Variants in UBA5 observed in about 807,000 individuals in gnomAD.
UBA5 encodes ubiquitin-like modifier-activating enzyme 5.
UBA5 carries 28 observed loss-of-function variants against 52.9 expected under a neutral mutation model. The ratio of observed to expected loss-of-function variants is 0.53; its 90% CI spans 0.39 to 0.73. The LOEUF (loss-of-function observed/expected upper bound fraction) is 0.73, where lower values mean the gene tolerates loss of function less well. Among genes scored for constraint, UBA5 ranks in the 30% least tolerant of loss-of-function variants. UBA5 has a pLI of 0.00. For missense variants in UBA5, 388 were observed against 492.7 expected (o/e 0.79, Z 2.01); for synonymous variants, 135 against 162.1 (o/e 0.83, Z 1.27).
intron 3 of UBA5, chr3:132,668,058 T>G (rs1345756287): frequency 6.6e-6 from 1 of 152,052 alleles, no homozygotes; most frequent in Non-Finnish European, 1.5e-5. Context: ...GTGCTGAGAA[T>G]TGTATTAAAG....
chr3:132,670,567 T>C (rs1938556928), intron 5 of UBA5: 1 of 235,900 alleles, frequency 4.2e-6, no homozygotes, highest in Middle Eastern at 1.4e-3. Context: ...AGATTATATT[T>C]CTGTCTGAAA....
rs1245326660 is a variant in UBA5 at position 132,679,677 on chromosome 3, C to T, written c.*3151C>T. Among the ~76,000 whole-genome samples, 1 of 152,096 alleles carries T rather than the reference C, an allele frequency of 6.6e-6. No homozygotes were observed. Among genetic ancestry groups the T allele is most frequent in the Non-Finnish European group, 1.5e-5 (1 of 67,992 alleles). ...CAGGGTTCTTCTAGAGTACTGGTCT[C>T]ATTATTTTCTAAAGCAGTTTTTCTA... On this transcript the variant is annotated 3_prime_UTR_variant, in exon 12 of 12. Coordinates refer to ENST00000356232, the MANE Select transcript of UBA5 (RefSeq NM_024818.6).
intron 1 of UBA5, among the ~76,000 whole-genome samples, chr3:132,662,531 T>C (rs1305783928): frequency 2.0e-5 from 3 of 152,190 alleles, no homozygotes; most frequent in Non-Finnish European, 4.4e-5. Context: ...TACAGGTTAT[T>C]GAATTATGAT....
At chr3:132,670,483 A>G (rs1182005594) in intron 5 of UBA5, among the ~76,000 whole-genome samples, 199 bp downstream of exon 5, 6 of 152,174 alleles carry the variant, frequency 3.9e-5, no homozygotes, top group African/African-American at 1.4e-4. Flanking sequence ...AATTAAAAAT[A>G]AAAAGCAAAC....
rs942550747 is a variant in UBA5 at position 132,676,581 on chromosome 3, T to TA, written c.*64dup. The TA allele has an allele frequency of 1.1e-4, 147 of 1,347,196 alleles. No individual in the cohort carries two copies. Among genetic ancestry groups the TA allele is most frequent in the South Asian group, 1.4e-4 (11 of 77,794 alleles). The allele number at this position is 1,347,196 out of a possible 1,614,324, so 83.5% of individuals were successfully genotyped here. A position where few individuals can be genotyped will look rare whatever the true frequency, so the allele number is the denominator to read the frequency against. On this transcript the variant is annotated 3_prime_UTR_variant, in exon 12 of 12. Transcript: ENST00000356232. This position sits in a 1 kb window ranked among gnomAD's most constrained non-coding sequence, Gnocchi z 4.1. Reference sequence around the variant, plus strand: ...ATGTTAAAGCCTCTTCCCTTGAAATTAAAAAAAAATTTTAACTGATAAAAC... The same window carrying TA: ...ATGTTAAAGCCTCTTCCCTTGAAATTAAAAAAAAAATTTTAACTGATAAAAC...
At chr3:132,658,657 T>C (rs1937947758), upstream of UBA5, among the ~76,000 whole-genome samples, 1 of 152,210 alleles carries the variant, frequency 6.6e-6, no homozygotes, top group Admixed American at 6.5e-5. Context: ...TCTTCCAATA[T>C]CTATTGGGAC....
chr3:132,659,846 C>T (rs1576635207), upstream of UBA5: 1 of 1,439,620 alleles, frequency 6.9e-7, no homozygotes, highest in East Asian at 2.6e-5. Flanking sequence ...GAGCATGGGC[C>T]GAGGCCGGGG....
chr3:132,676,330 A>C lies in UBA5; in HGVS notation c.1132-113A>C. On this transcript the variant is annotated intron_variant, in intron 11 of 11. Coordinates refer to ENST00000356232, the MANE Select transcript of UBA5 (RefSeq NM_024818.6). The surrounding 1 kb of genome is among the most constrained non-coding windows in gnomAD (Gnocchi z 4.1). ...AAATTAGAAGATAGTTGTTAAAGAA[A>C]ATTTACTTTATAACCTTGTTGAGCA... The C allele has an allele frequency of 1.3e-6, 1 of 780,220 alleles. No homozygotes were observed. Among genetic ancestry groups the C allele is most frequent in the Non-Finnish European group, 2.1e-6 (1 of 487,134 alleles). 48.3% of individuals were successfully genotyped at this position (780,220 alleles called of 1,614,324 possible).
chr3:132,674,536 A>T (rs1400567946), intron 8 of UBA5, among the ~76,000 whole-genome samples: 1 of 152,152 alleles, frequency 6.6e-6, no homozygotes, highest in Non-Finnish European at 1.5e-5. Context: ...AAAAAAAAAT[A>T]CAAAAATTAG....
intron 1 of UBA5, among the ~76,000 whole-genome samples, chr3:132,663,634 A>G (rs1938259341): frequency 1.3e-5 from 2 of 152,176 alleles, no homozygotes; most frequent in Non-Finnish European, 2.9e-5. Context: ...GGGTTTCTCA[A>G]CTAAATAGTC....
chr3:132,660,284 G>A, upstream of UBA5: 1 of 581,114 alleles, frequency 1.7e-6, no homozygotes, highest in Non-Finnish European at 3.0e-6. This position sits in a 1 kb window ranked among gnomAD's most constrained non-coding sequence, Gnocchi z 4.1. Context: ...GAGGAAGGAA[G>A]CCGAAAGAGC....
intron 8 of UBA5, among the ~76,000 whole-genome samples, chr3:132,672,436 A>G (rs1938645492): frequency 6.6e-6 from 1 of 152,116 alleles, no homozygotes; most frequent in South Asian, 2.1e-4. Flanking sequence ...AATATATGTG[A>G]ATGTCAGTTA....
chr3:132,660,092 T>G (rs1018733010), upstream of UBA5: 7 of 338,612 alleles, frequency 2.1e-5, no homozygotes, highest in Admixed American at 4.4e-5. This position sits in a 1 kb window ranked among gnomAD's most constrained non-coding sequence, Gnocchi z 4.1. Context: ...CCAAATTTAA[T>G]GCAACAGCAG....
At chr3:132,654,743 G>T (rs1937690655) in intron 1 of UBA5, 1 of 152,216 alleles carries the variant, frequency 6.6e-6, no homozygotes, top group African/African-American at 2.4e-5. Flanking sequence ...AATACTTGCT[G>T]TGTTTCCCTT....
Position 132,676,655 on chromosome 3 carries a change from T to C in UBA5, c.*129T>C. ...TATTCTTACCTGAATTGTTATACTT[T>C]TTGAAAATCCTGTGACTTGCCTGTT... is the stretch of plus-strand genomic sequence containing the variant. On this transcript the variant is annotated 3_prime_UTR_variant, in exon 12 of 12. Coordinates refer to ENST00000356232, the MANE Select transcript of UBA5 (RefSeq NM_024818.6). This position sits in a 1 kb window ranked among gnomAD's most constrained non-coding sequence, Gnocchi z 4.1. 1 of 683,776 alleles carries C rather than the reference T, an allele frequency of 1.5e-6. No homozygotes were observed. The highest frequency in any genetic ancestry group is 2.7e-5 in the Admixed American group (1 of 36,494). The allele number at this position is 683,776 out of a possible 1,614,324, so 42.4% of individuals were successfully genotyped here. A position where few individuals can be genotyped will look rare whatever the true frequency, so the allele number is the denominator to read the frequency against.
Position 132,676,001 on chromosome 3 carries a change from A to G in UBA5, c.1131+78A>G. The G allele has an allele frequency of 5.1e-6, 5 of 974,292 alleles. No individual in the cohort carries two copies. The highest frequency in any genetic ancestry group is 7.6e-6 in the Non-Finnish European group (5 of 657,280). 60.4% of individuals were successfully genotyped at this position (974,292 alleles called of 1,614,324 possible). A position where few individuals can be genotyped will look rare whatever the true frequency, so the allele number is the denominator to read the frequency against. ...CATCTTCATTCTAATTTGTAATGCC[A>G]ATGAAGTATTTCCTGTTTTAGATAT... On this transcript the variant is annotated intron_variant, in intron 11 of 11. Coordinates refer to ENST00000356232, the MANE Select transcript of UBA5 (RefSeq NM_024818.6). This position sits in a 1 kb window ranked among gnomAD's most constrained non-coding sequence, Gnocchi z 4.1.
chr3:132,670,659 C>T (rs937142666), intron 5 of UBA5: 3 of 230,974 alleles, frequency 1.3e-5, no homozygotes, highest in African/African-American at 6.9e-5. Context: ...TGTAATGAAG[C>T]ATGAATAAAA....
upstream of UBA5, among the ~76,000 whole-genome samples, chr3:132,657,555 A>G (rs1937873904): frequency 6.6e-6 from 1 of 152,250 alleles, no homozygotes; most frequent in South Asian, 2.1e-4. Flanking sequence ...CCTATTCAAC[A>G]ACATGGCATC....
At chr3:132,661,323 C>T (rs1938152027) in intron 1 of UBA5, among the ~76,000 whole-genome samples, 2 of 152,158 alleles carry the variant, frequency 1.3e-5, no homozygotes, top group Non-Finnish European at 2.9e-5. Flanking sequence ...ACTGCCTAAC[C>T]TTTGGCAAGT....
Sources: gnomAD v4.1 joint callset for allele counts (sites outside exome capture counted in the v4.1 genomes callset) on GRCh38, gnomAD v4.1.1 for gene constraint, Gnocchi (gnomAD v3.1) non-coding constraint, MANE v1.5 for transcripts, NCBI Gene and HGNC (gene_info 2026-07-23, HGNC 2026-07-21) for gene names.